ADCY1: variants seen among roughly 807,000 people sequenced by gnomAD.
ADCY1 encodes the protein adenylate cyclase 1.
Under a neutral mutation model 105.4 loss-of-function variants are expected in ADCY1, and 28 were observed. The observed-to-expected ratio is 0.27, with a 90% CI of 0.20 to 0.36. The LOEUF (loss-of-function observed/expected upper bound fraction) is 0.36. Among genes scored for constraint, ADCY1 ranks in the 10% least tolerant of loss-of-function variants. ADCY1 has a pLI of 1.00. For synonymous variants in ADCY1, 655 were observed against 623.8 expected (o/e 1.05, Z -0.75); for missense variants, 977 against 1,434.2 (o/e 0.68, Z 5.15).
intron 5 of ADCY1, among the ~76,000 whole-genome samples, chr7:45,655,496 A>G (rs1362827037): frequency 6.6e-6 from 1 of 152,278 alleles, no homozygotes; most frequent in African/African-American, 2.4e-5. Flanking sequence ...GATTTAGACG[A>G]AGCCAGCTTG....
chr7:45,610,905 T>G (rs1229426456), intron 3 of ADCY1, among the ~76,000 whole-genome samples: 8 of 143,012 alleles, frequency 5.6e-5, no homozygotes, highest in South Asian at 2.2e-4. Context: ...GGTGGGGAGG[T>G]GATAATGGAA....
rs535881806 is a variant in ADCY1 at position 45,626,286 on chromosome 7, T to A, written c.1020+3543T>A. On this transcript the variant is annotated intron_variant, in intron 4 of 19. Coordinates refer to ENST00000297323, the MANE Select transcript of ADCY1 (RefSeq NM_021116.4). ...GCGTGCCAGCCTCTGCTCTAAACCG[T>A]GACACCCAAACAGTGTTACGTTTAA... 1.1e-4 allele frequency among the ~76,000 whole-genome samples: 16 copies of A among 152,328 alleles called. No homozygotes were observed. In the South Asian group the frequency reaches 2.9e-3, roughly 28 times the overall value.
At position 45,675,118 on chromosome 7, in the gene ADCY1, G is replaced by GT. The variant is rs377297357; in HGVS notation, c.1606-2743dup. ...CTGTTTGTTCCTTCTCTTTTTGTCTGTTTTTTTTCCTATGTTGCTGTGGTT... is the reference window on the plus strand; with the variant it reads ...CTGTTTGTTCCTTCTCTTTTTGTCTGTTTTTTTTTCCTATGTTGCTGTGGTT... On this transcript the variant is annotated intron_variant, in intron 8 of 19. Transcript: ENST00000297323. Among the ~76,000 whole-genome samples, 487 of 151,336 alleles carry GT rather than the reference G, an allele frequency of 3.2e-3. 3 individuals are homozygous for GT. Among genetic ancestry groups the GT allele is most frequent in the African/African-American group, 8.7e-3 (359 of 41,282 alleles).
At chr7:45,604,041 A>G (rs1793314461) in intron 2 of ADCY1, among the ~76,000 whole-genome samples, 1 of 152,230 alleles carries the variant, frequency 6.6e-6, no homozygotes, top group Non-Finnish European at 1.5e-5. Context: ...TTGTGTGAAC[A>G]TAGGTACTAA....
intron 11 of ADCY1, among the ~76,000 whole-genome samples, chr7:45,683,036 C>T (rs1020551054): frequency 2.0e-5 from 3 of 152,092 alleles, no homozygotes; most frequent in African/African-American, 7.2e-5. Context: ...CCCGAAGTGC[C>T]ACAATGGCCA....
At chr7:45,679,590 T>C (rs935482448) in intron 10 of ADCY1, 119 bp from the exon 11 acceptor site, 2 of 967,254 alleles carry the variant, frequency 2.1e-6, no homozygotes, top group East Asian at 2.6e-5. Flanking sequence ...AGGTTAACGA[T>C]GCTGCTTCCT....
At chr7:45,644,254 A>G (rs145460605) in intron 4 of ADCY1, among the ~76,000 whole-genome samples, 134 of 152,300 alleles carry the variant, frequency 8.8e-4, no homozygotes, top group African/African-American at 3.1e-3. Context: ...CGGCCTGGGC[A>G]TGTCAGAGCT....
chr7:45,646,660 C>G (rs1407236218), intron 4 of ADCY1, among the ~76,000 whole-genome samples: 1 of 152,212 alleles, frequency 6.6e-6, no homozygotes, highest in Non-Finnish European at 1.5e-5. Context: ...ACCTACCCAG[C>G]TCTGAACTCA....
Position 45,671,451 on chromosome 7 carries a change from A to G in ADCY1, c.1606-6418A>G, listed in dbSNP as rs576650341. On this transcript the variant is annotated intron_variant, in intron 8 of 19. Coordinates refer to ENST00000297323, the MANE Select transcript of ADCY1 (RefSeq NM_021116.4). ...TAACTCATCTAGGATAGATGCCCAG[A>G]TGTGTGATTGATGGGTCATGTTTAG... 1.6e-3 allele frequency among the ~76,000 whole-genome samples: 239 copies of G among 152,258 alleles called. 1 individual carries two copies. Among genetic ancestry groups the G allele is most frequent in the Middle Eastern group, 0.014 (4 of 294 alleles).
At chr7:45,672,001 G>A (rs1321938664) in intron 8 of ADCY1, among the ~76,000 whole-genome samples, 1 of 152,070 alleles carries the variant, frequency 6.6e-6, no homozygotes, top group African/African-American at 2.4e-5. Context: ...TTGATGTCAT[G>A]TCTAAAAACC....
At chr7:45,671,664 C>A (rs1364949447) in intron 8 of ADCY1, among the ~76,000 whole-genome samples, 3 of 152,188 alleles carry the variant, frequency 2.0e-5, no homozygotes, top group African/African-American at 7.2e-5. Flanking sequence ...TGGCATTTCA[C>A]TGATGGCTAA....
rs149694105 is a variant in ADCY1, at chr7:45,686,610, G to C, written c.2391G>C (p.Ala797=). The C allele has an allele frequency of 6.2e-7, 1 of 1,613,570 alleles. No homozygotes were observed. Among genetic ancestry groups the C allele is most frequent in the Non-Finnish European group, 8.5e-7 (1 of 1,179,608 alleles). The change falls in exon 14 of 20, where the codon GCG becomes GCC. Residue 797 remains alanine (A), a synonymous_variant. Coordinates refer to ENST00000297323, the MANE Select transcript of ADCY1 (RefSeq NM_021116.4). This position sits in a 1 kb window ranked among gnomAD's most constrained non-coding sequence, Gnocchi z 4.3. The stretch of plus-strand genomic sequence containing the variant: ...TGGCCATCCTGCTCTTCTCCTGTGC[G>C]CTGGCCCTGCATGCCAGGCAGGTGG... The part of the protein sequence containing the change: ...PIVAILLFSC[A]LALHARQVDI...
chr7:45,676,735 A>G (rs1207722899), intron 8 of ADCY1, among the ~76,000 whole-genome samples: 2 of 151,964 alleles, frequency 1.3e-5, no homozygotes, highest in Admixed American at 6.5e-5. Flanking sequence ...TTCTGACACT[A>G]TGTCAGTGGG....
intron 1 of ADCY1, among the ~76,000 whole-genome samples, chr7:45,580,021 C>T (rs1792482123): frequency 6.7e-6 from 1 of 148,334 alleles, no homozygotes; most frequent in Non-Finnish European, 1.5e-5. Context: ...GGTCCATTTC[C>T]CTTCACCCCC....
chr7:45,640,540 A>G (rs939432484), intron 4 of ADCY1, among the ~76,000 whole-genome samples: 3 of 152,226 alleles, frequency 2.0e-5, no homozygotes, highest in Non-Finnish European at 4.4e-5. Flanking sequence ...TGTCGAGGCA[A>G]CAGAAAAGAA....
At position 45,574,777 on chromosome 7, in the gene ADCY1, C is replaced by A. The variant is rs74641956; in HGVS notation, c.234C>A (p.Ala78=). 52 of 1,493,628 alleles carry A rather than the reference C, an allele frequency of 3.5e-5. No individual in the cohort carries two copies. In the East Asian group the frequency reaches 1.4e-3, roughly 40 times the overall value. 92.5% of individuals were successfully genotyped at this position (1,493,628 alleles called of 1,614,324 possible). Residue 78 remains alanine, a synonymous_variant, in exon 1 of 20, where the codon GCC becomes GCA. Transcript: ENST00000297323. This position sits in a 1 kb window ranked among gnomAD's most constrained non-coding sequence, Gnocchi z 7.0. ...TGCTGGCGGGCGCGCTGGCGCTGGC[C>A]GAGCTGCTGGGCGCGCCGGGGCCCG... ...LSLLAGALAL[A]ELLGAPGPAP...
At chr7:45,644,196 G>A (rs1294321586) in intron 4 of ADCY1, among the ~76,000 whole-genome samples, 11 of 152,190 alleles carry the variant, frequency 7.2e-5, no homozygotes, top group South Asian at 2.1e-4. Flanking sequence ...TGCAGTGTGC[G>A]AGTCCATGAC....
chr7:45,696,004 T>C (rs2116237501), intron 14 of ADCY1, among the ~76,000 whole-genome samples: 1 of 152,320 alleles, frequency 6.6e-6, no homozygotes, highest in Admixed American at 6.5e-5. Flanking sequence ...ACTCCAGACT[T>C]TCTGATGAGG....
intron 4 of ADCY1, among the ~76,000 whole-genome samples, chr7:45,632,070 C>G (rs1447006499): frequency 6.6e-6 from 1 of 152,072 alleles, no homozygotes; most frequent in Admixed American, 6.5e-5. Context: ...ACTGAAAAGA[C>G]TATCATTTCT....
Sources: allele counts gnomAD v4.1 joint callset (sites outside exome capture counted in the v4.1 genomes callset), GRCh38; gene constraint gnomAD v4.1.1; non-coding constraint Gnocchi (gnomAD v3.1); transcripts MANE v1.5; gene names NCBI Gene and HGNC (gene_info 2026-07-23, HGNC 2026-07-21).